APBA2: variants seen among roughly 807,000 people sequenced by gnomAD.
APBA2 encodes the protein amyloid-beta A4 precursor protein-binding family A member 2.
A neutral mutation model predicts 75.0 loss-of-function variants in APBA2; 30 were observed. That is an observed-to-expected ratio of 0.40 (90% confidence interval 0.30 to 0.54). The LOEUF is 0.54. Ranked by LOEUF, APBA2 falls within the 20% of genes least tolerant of loss-of-function variation. APBA2 has a pLI of 0.49. For missense variants in APBA2, 801 were observed against 1,016.1 expected, an observed-to-expected ratio of 0.79 and a Z score of 2.88; for synonymous variants, 444 against 409.6, an observed-to-expected ratio of 1.08 and a Z score of -1.01.
chr15:28,967,583 C>T (rs964938892), intron 2 of APBA2, among the ~76,000 whole-genome samples: 11 of 152,040 alleles, frequency 7.2e-5, no homozygotes, highest in African/African-American at 2.7e-4. Context: ...GGACTACAGA[C>T]ACCTGCCACC....
At chr15:28,993,524 C>G (rs1048620401) in intron 2 of APBA2, among the ~76,000 whole-genome samples, 1 of 152,072 alleles carries the variant, frequency 6.6e-6, no homozygotes. Context: ...CTCCACCCTC[C>G]GCAAAGGCTG....
chr15:28,891,388 G>T (rs541500467), intron 1 of APBA2, among the ~76,000 whole-genome samples: 4 of 152,274 alleles, frequency 2.6e-5, no homozygotes, highest in African/African-American at 9.6e-5. Context: ...GGCCCATTTT[G>T]TATCAGATTT....
intron 3 of APBA2, among the ~76,000 whole-genome samples, chr15:28,996,478 C>T (rs565242446): frequency 6.6e-6 from 1 of 152,272 alleles, no homozygotes; most frequent in East Asian, 1.9e-4. Context: ...AGGAACAGAG[C>T]CCTGGTGCCA....
intron 6 of APBA2, among the ~76,000 whole-genome samples, chr15:29,091,059 G>T (rs2043544799): frequency 6.6e-6 from 1 of 152,116 alleles, no homozygotes; most frequent in African/African-American, 2.4e-5. Context: ...GATTCTCCTG[G>T]TGACAGGAGA....
rs539065518 is a variant in APBA2, at chr15:28,888,043, C to T, written c.-205+1765C>T. ...GTGAAACTGGTGACCGTCAGCTCCTCATTCTCTTCCACCTTGCATGTTTTC... is the reference window on the plus strand; with the variant it reads ...GTGAAACTGGTGACCGTCAGCTCCTTATTCTCTTCCACCTTGCATGTTTTC... On this transcript the variant is annotated intron_variant, in intron 1 of 14. Transcript: ENST00000683413. Among the ~76,000 whole-genome samples the T allele has an allele frequency of 1.9e-3, 288 of 152,282 alleles. 2 individuals are homozygous for T. Among genetic ancestry groups the T allele is most frequent in the South Asian group, 5.8e-3 (28 of 4,822 alleles).
chr15:29,037,866 T>C (rs912155305), intron 3 of APBA2, among the ~76,000 whole-genome samples: 1 of 152,172 alleles, frequency 6.6e-6, no homozygotes, highest in African/African-American at 2.4e-5. Flanking sequence ...TAACCTCTTA[T>C]GAGGAGCCCT....
At chr15:29,113,004 T>C (rs1345481918) in intron 13 of APBA2, among the ~76,000 whole-genome samples, 1 of 152,216 alleles carries the variant, frequency 6.6e-6, no homozygotes, top group East Asian at 1.9e-4. Flanking sequence ...CCCCGAGGTC[T>C]GTCCGTGTTG....
chr15:29,112,981 T>G (rs1271206149), intron 13 of APBA2, among the ~76,000 whole-genome samples: 1 of 152,186 alleles, frequency 6.6e-6, no homozygotes, highest in East Asian at 1.9e-4. Flanking sequence ...GCCTGTTTCA[T>G]GCAGCATAGT....
intron 3 of APBA2, among the ~76,000 whole-genome samples, chr15:29,015,036 G>A (rs1042685138): frequency 2.0e-5 from 3 of 152,168 alleles, no homozygotes; most frequent in African/African-American, 4.8e-5. Context: ...TTCTAATGAG[G>A]TTGTGTTGCA....
At chr15:29,085,633 TTACCATGA>T (rs1231653515) in intron 6 of APBA2, among the ~76,000 whole-genome samples, 1 of 152,210 alleles carries the variant, frequency 6.6e-6, no homozygotes, top group East Asian at 1.9e-4. Context: ...TTTGTGTGTG[TTACCATGA>T]TTATTGGTGC....
chr15:28,900,682 C>A (rs897779104), intron 1 of APBA2, among the ~76,000 whole-genome samples: 1 of 152,102 alleles, frequency 6.6e-6, no homozygotes, highest in African/African-American at 2.4e-5. Flanking sequence ...CGTTTTGAGC[C>A]CTTTAGCCTG....
intron 14 of APBA2, among the ~76,000 whole-genome samples, chr15:29,116,364 G>A (rs2336947): frequency 0.74 from 111,952 of 151,764 alleles, 44,896 homozygotes; most frequent in Non-Finnish European, 0.9. Context: ...CGGTGGCTCA[G>A]GCCTGTAATC....
At chr15:28,975,056 C>T (rs1006743195) in intron 2 of APBA2, among the ~76,000 whole-genome samples, 2 of 152,010 alleles carry the variant, frequency 1.3e-5, no homozygotes, top group Non-Finnish European at 2.9e-5. Context: ...TAAGAAATGA[C>T]ATTAACAGAA....
chr15:29,004,990 T>C (rs1346062753), intron 3 of APBA2, among the ~76,000 whole-genome samples: 1 of 152,064 alleles, frequency 6.6e-6, no homozygotes, highest in East Asian at 1.9e-4. Flanking sequence ...AGGGACCTTG[T>C]TTAAATGCAG....
chr15:29,106,969 A>C (rs2044447871), intron 12 of APBA2, 150 bp downstream of exon 12: 5 of 731,664 alleles, frequency 6.8e-6, no homozygotes, highest in Admixed American at 2.3e-5. Context: ...CTGGTCGATG[A>C]TGGTATCAGA....
At chr15:29,109,254 G>C (rs1037157273) in intron 13 of APBA2, among the ~76,000 whole-genome samples, 1 of 152,186 alleles carries the variant, frequency 6.6e-6, no homozygotes, top group African/African-American at 2.4e-5. Context: ...CTTCTCCATT[G>C]TTTTCTGGTG....
At chr15:29,045,073 C>CTCTCTCTCTCTCTCTCTCTCTCTT (rs2041242634) in intron 3 of APBA2, among the ~76,000 whole-genome samples, 1 of 108,006 alleles carries the variant, frequency 9.3e-6, no homozygotes, top group African/African-American at 8.9e-5. Flanking sequence ...CCCTCCTTCT[C>CTCTCTCTCTCTCTCTCTCTCTCTT]TCTCTCTCTC....
chr15:29,106,810 C>T lies in APBA2; in HGVS notation c.1908C>T (p.Gly636=). ...LVGLPLATCQ[G]IIKGLKNQTQ... Reference sequence around the variant, plus strand: ...GGCTGCCCCTCGCCACCTGCCAAGGCATCATCAAGGTAGGCACCCTGGGAT... The same window carrying T: ...GGCTGCCCCTCGCCACCTGCCAAGGTATCATCAAGGTAGGCACCCTGGGAT... The change falls in exon 12 of 15, where the codon GGC becomes GGT. Residue 636 remains glycine (G), a synonymous_variant. Transcript: ENST00000683413. 1.9e-6 allele frequency: 3 copies of T among 1,612,822 alleles called. No homozygotes were observed. The highest frequency in any genetic ancestry group is 2.5e-6 in the Non-Finnish European group (3 of 1,179,800).
At chr15:29,114,668 TG>T (rs2044955067) in intron 14 of APBA2, among the ~76,000 whole-genome samples, 2 of 150,294 alleles carry the variant, frequency 1.3e-5, no homozygotes, top group South Asian at 4.2e-4. Flanking sequence ...TGTATGAGTG[TG>T]GGTAAGTGTG....
Sources: gnomAD v4.1 joint callset for allele counts (sites outside exome capture counted in the v4.1 genomes callset) on GRCh38, gnomAD v4.1.1 for gene constraint, MANE v1.5 for transcripts, NCBI Gene and HGNC (gene_info 2026-07-23, HGNC 2026-07-21) for gene names.